CGREF1: variants seen among roughly 807,000 people sequenced by gnomAD.
CGREF1 encodes cell growth regulator with EF-hand domain 1, also known as cell growth regulator with EF hand domain protein 1.
A neutral mutation model predicts 17.4 loss-of-function variants in CGREF1; 16 were observed. That is an observed-to-expected ratio of 0.92 (90% CI 0.62 to 1.40). CGREF1 has a LOEUF of 1.40. CGREF1 is among the 40% of genes most tolerant of loss of function. The pLI is 0.00. For missense variants in CGREF1, 296 were observed against 376.4 expected (o/e 0.79, Z 1.77); for synonymous variants, 142 against 154.6 (o/e 0.92, Z 0.61).
chr2:27,107,091 TAA>T (rs1416375645), intron 1 of CGREF1, among the ~76,000 whole-genome samples: 1 of 152,100 alleles, frequency 6.6e-6, no homozygotes, highest in Non-Finnish European at 1.5e-5. Context: ...TTTCCATAGG[TAA>T]AGTTTCCAGG....
downstream of CGREF1, chr2:27,099,709 G>A (rs753207988): frequency 2.7e-5 from 44 of 1,614,014 alleles, no homozygotes; most frequent in East Asian, 1.1e-4. Flanking sequence ...CCAGGTGGCC[G>A]GCAAGAAGTG....
intron 1 of CGREF1, among the ~76,000 whole-genome samples, chr2:27,106,445 G>A (rs528584578): frequency 2.0e-5 from 3 of 152,124 alleles, no homozygotes; most frequent in Admixed American, 2.0e-4. Context: ...GATTCCCTAC[G>A]TAAAGCTGGG....
rs1369317069 is a variant in CGREF1 at position 27,101,204 on chromosome 2, A to C, written c.*70T>G. 1 of 1,508,968 alleles carries C rather than the reference A, an allele frequency of 6.6e-7. No homozygotes were observed. The highest frequency in any genetic ancestry group is 1.4e-5 in the African/African-American group (1 of 71,502). 93.5% of individuals were successfully genotyped at this position (1,508,968 alleles called of 1,614,324 possible). A position where few individuals can be genotyped will look rare whatever the true frequency, so the allele number is the denominator to read the frequency against. ...AGAGATGGTCCTTGTCCCAGCGTAC[A>C]TTTCCCCTGCCCACTTCAGGGCTTA... On this transcript the variant is annotated 3_prime_UTR_variant, in exon 6 of 6. Coordinates refer to ENST00000402394, the MANE Select transcript of CGREF1 (RefSeq NM_006569.6).
intron 1 of CGREF1, among the ~76,000 whole-genome samples, chr2:27,116,905 C>CTCTCTCTCTCTCTCTCTCTCTG (rs1671599461): frequency 8.4e-6 from 1 of 119,346 alleles, no homozygotes; most frequent in African/African-American, 3.2e-5. Context: ...CTCTCTCTCT[C>CTCTCTCTCTCTCTCTCTCTCTG]TCTCTCTCTC....
intron 1 of CGREF1, chr2:27,110,805 C>G (rs1240570050): frequency 1.3e-5 from 2 of 152,706 alleles, no homozygotes; most frequent in African/African-American, 2.4e-5. Context: ...TTCTGATGTT[C>G]GGATGCGTTC....
rs780406551 is a variant in CGREF1, at chr2:27,101,775, G to C, written c.456C>G (p.Pro152=). The change falls in exon 6 of 6, where the codon CCC becomes CCG. Residue 152 remains proline, a synonymous_variant. Coordinates refer to ENST00000402394, the MANE Select transcript of CGREF1 (RefSeq NM_006569.6). ...GAGGAGATGGAGCAAGGGGCTCTCC[G>C]GGCTCCACGTGCCTGAGGGCTACTC... The part of the protein sequence containing the change: ...FPGVALRHVE[P]GEPLAPSPQE... 2 of 1,614,190 alleles carry C rather than the reference G, an allele frequency of 1.2e-6. No homozygotes were observed. Among genetic ancestry groups the C allele is most frequent in the Non-Finnish European group, 1.7e-6 (2 of 1,180,042 alleles).
At position 27,104,337 on chromosome 2, in the gene CGREF1, G is replaced by T. The variant is rs1422749977; in HGVS notation, c.30C>A (p.Ile10=). ...CCTGACCCGTGGGGAGCAGCAGCAG[G>T]ATTAACACTGTCATCGTCAAAGGTA... MLPLTMTVL[I]LLLLPTGQAA... Residue 10 remains isoleucine, a synonymous_variant, in exon 2 of 6, where the codon ATC becomes ATA. Coordinates refer to ENST00000402394, the MANE Select transcript of CGREF1 (RefSeq NM_006569.6). 1 of 1,603,732 alleles carries T rather than the reference G, an allele frequency of 6.2e-7. No homozygotes were observed. Among genetic ancestry groups the T allele is most frequent in the Non-Finnish European group, 8.5e-7 (1 of 1,174,676 alleles).
chr2:27,110,656 G>A (rs1334392505), intron 1 of CGREF1: 1 of 153,058 alleles, frequency 6.5e-6, no homozygotes, highest in Non-Finnish European at 1.5e-5. Flanking sequence ...AAGAGAGCCA[G>A]GTGTTGTGGT....
intron 1 of CGREF1, among the ~76,000 whole-genome samples, chr2:27,107,517 T>G (rs1671171233): frequency 6.6e-6 from 1 of 151,692 alleles, no homozygotes; most frequent in Non-Finnish European, 1.5e-5. Context: ...CCTCCCAAAG[T>G]GCTGGGATTA....
intron 1 of CGREF1, among the ~76,000 whole-genome samples, chr2:27,116,235 A>AAAAAC (rs1671560531): frequency 6.6e-6 from 1 of 151,186 alleles, no homozygotes; most frequent in South Asian, 2.1e-4. Flanking sequence ...AAAAAAAAAA[A>AAAAAC]AAAAACAAAG....
chr2:27,102,243 T>TTAGA, intron 4 of CGREF1, 22 bp from the exon 5 acceptor site: 1 of 1,611,332 alleles, frequency 6.2e-7, no homozygotes, highest in Non-Finnish European at 8.5e-7. Context: ...AGAAGCTGGA[T>TTAGA]TAGAAGAGGT....
chr2:27,100,650 C>G lies in CGREF1; in HGVS notation c.*624G>C, dbSNP rs768359285. ...TATCACCTTAGGGTACAGCACTTAA[C>G]GCAATCTGCCTCAATTTCTTCATCT... is the stretch of plus-strand genomic sequence containing the variant. On this transcript the variant is annotated 3_prime_UTR_variant, in exon 6 of 6. Coordinates refer to ENST00000402394, the MANE Select transcript of CGREF1 (RefSeq NM_006569.6). The G allele has an allele frequency of 7.1e-5, 75 of 1,063,002 alleles. No homozygotes were observed. Among genetic ancestry groups the G allele is most frequent in the Non-Finnish European group, 9.0e-5 (74 of 817,830 alleles). The allele number at this position is 1,063,002 out of a possible 1,614,324, so 65.8% of individuals were successfully genotyped here.
At chr2:27,113,973 T>C (rs1469036143) in intron 1 of CGREF1, among the ~76,000 whole-genome samples, 1 of 146,322 alleles carries the variant, frequency 6.8e-6, no homozygotes, top group Non-Finnish European at 1.5e-5. Context: ...CACGTGTTCT[T>C]ACATACTAGC....
downstream of CGREF1, chr2:27,099,719 G>A (rs201037118): frequency 5.0e-6 from 8 of 1,614,162 alleles, no homozygotes; most frequent in East Asian, 1.6e-4. Context: ...GGCAAGAAGT[G>A]TGGCCTGCAG....
At chr2:27,104,791 G>A in intron 1 of CGREF1, 1 of 1,461,464 alleles carries the variant, frequency 6.8e-7, no homozygotes, top group African/African-American at 1.4e-5. Flanking sequence ...GAAACGCAGG[G>A]AGTCACAAAA....
intron 1 of CGREF1, chr2:27,104,824 A>C: frequency 1.4e-6 from 2 of 1,443,028 alleles, no homozygotes; most frequent in Non-Finnish European, 1.8e-6. Flanking sequence ...AAACACAGGC[A>C]AAAAGAGAAA....
At chr2:27,100,305 G>A (rs374756309), downstream of CGREF1, 42 of 593,128 alleles carry the variant, frequency 7.1e-5, no homozygotes, top group Admixed American at 6.5e-4. Flanking sequence ...GCAGGGGTGC[G>A]CCTCCTCTGC....
At chr2:27,099,650 T>C (rs748925154), downstream of CGREF1, 1 of 1,614,150 alleles carries the variant, frequency 6.2e-7, no homozygotes. Context: ...ACCTAGCTAC[T>C]TGCCCCTCCT....
intron 1 of CGREF1, chr2:27,104,817 C>T (rs752035396): frequency 5.1e-5 from 74 of 1,448,394 alleles, no homozygotes; most frequent in Non-Finnish European, 6.3e-5. Context: ...AAGACTTAAA[C>T]ACAGGCAAAA....
Sources: gnomAD v4.1 joint callset for allele counts (sites outside exome capture counted in the v4.1 genomes callset) on GRCh38, gnomAD v4.1.1 for gene constraint, MANE v1.5 for transcripts, NCBI Gene and HGNC (gene_info 2026-07-23, HGNC 2026-07-21) for gene names.